Variants in OSMR observed in about 807,000 individuals in gnomAD.
OSMR encodes the protein oncostatin M receptor, also known as oncostatin-M-specific receptor subunit beta.
OSMR carries 81 observed loss-of-function variants against 99.9 expected under a neutral mutation model. The ratio of observed to expected loss-of-function variants is 0.81; its 90% CI spans 0.68 to 0.97. The LOEUF (loss-of-function observed/expected upper bound fraction) is 0.97, where lower values mean the gene tolerates loss of function less well. Among genes scored for constraint, OSMR ranks in the 50% least tolerant of loss-of-function variants. OSMR has a pLI of 0.00. For missense variants in OSMR, 1,099 were observed against 1,153.4 expected (o/e 0.95, Z 0.68); for synonymous variants, 406 against 410.4 (o/e 0.99, Z 0.13).
At chr5:38,904,319 C>CT in intron 8 of OSMR, 34 bp from the exon 9 acceptor site, 2 of 1,602,490 alleles carry the variant, frequency 1.2e-6, no homozygotes, top group South Asian at 1.1e-5. Flanking sequence ...GTTCTTTTCT[C>CT]TTTTTTCTTT....
intron 1 of OSMR, among the ~76,000 whole-genome samples, chr5:38,868,487 G>T (rs1261643819): frequency 1.3e-5 from 2 of 152,168 alleles, no homozygotes; most frequent in African/African-American, 4.8e-5. Flanking sequence ...TCTTTTCTGT[G>T]CTATTCTCGT....
chr5:38,924,048 G>A (rs1048727042), intron 13 of OSMR, among the ~76,000 whole-genome samples: 1 of 152,136 alleles, frequency 6.6e-6, no homozygotes, highest in Non-Finnish European at 1.5e-5. Flanking sequence ...CCTCACTTTA[G>A]TAGGTTCTCT....
At chr5:38,848,207 G>A (rs1030727457) in intron 1 of OSMR, among the ~76,000 whole-genome samples, 3 of 152,152 alleles carry the variant, frequency 2.0e-5, no homozygotes, top group Non-Finnish European at 4.4e-5. Flanking sequence ...GTGAGCCTTG[G>A]CCCTCCTTTC....
chr5:38,905,854 T>G (rs71621889), intron 9 of OSMR, among the ~76,000 whole-genome samples: 1 of 152,190 alleles, frequency 6.6e-6, no homozygotes, highest in East Asian at 1.9e-4. Context: ...TTCTTATTTG[T>G]GTATGGCAGC....
At chr5:38,850,985 G>A (rs1455374662) in intron 1 of OSMR, among the ~76,000 whole-genome samples, 1 of 152,152 alleles carries the variant, frequency 6.6e-6, no homozygotes, top group African/African-American at 2.4e-5. Flanking sequence ...GAACCTAAGA[G>A]GTTACATTTT....
chr5:38,874,537 A>T (rs1742654048), intron 2 of OSMR, among the ~76,000 whole-genome samples: 1 of 152,118 alleles, frequency 6.6e-6, no homozygotes, highest in Non-Finnish European at 1.5e-5. Context: ...CACAAGAAAA[A>T]CATCATGTTT....
At chr5:38,902,698 G>A (rs1744973034) in intron 7 of OSMR, among the ~76,000 whole-genome samples, 1 of 152,154 alleles carries the variant, frequency 6.6e-6, no homozygotes, top group African/African-American at 2.4e-5. Context: ...TTGCTTGAGA[G>A]CTTACTGCTT....
chr5:38,891,698 G>A (rs1376551612), intron 7 of OSMR, among the ~76,000 whole-genome samples: 3 of 152,170 alleles, frequency 2.0e-5, no homozygotes, highest in African/African-American at 7.2e-5. Flanking sequence ...CTTTAGAGAG[G>A]TACCATTCAA....
In OSMR at chr5:38,917,433, A is replaced by C. The variant is rs144535192; in HGVS notation, c.1286-113A>C. The stretch of plus-strand genomic sequence containing the variant: ...CATAGAGAGTGAAAACGGGAGAGGC[A>C]AGCCTCAGGTTGGACAGGTAATTGT... On this transcript the variant is annotated intron_variant, in intron 9 of 17. Coordinates refer to ENST00000274276, the MANE Select transcript of OSMR (RefSeq NM_003999.3). 6.5e-4 allele frequency: 985 copies of C among 1,513,954 alleles called. 7 individuals carry two copies. The African/African-American group carries it at 0.012, about 18-fold the overall frequency. 93.8% of individuals were successfully genotyped at this position (1,513,954 alleles called of 1,614,324 possible). A position where few individuals can be genotyped will look rare whatever the true frequency, so the allele number is the denominator to read the frequency against.
chr5:38,920,715 G>A lies in OSMR; in HGVS notation c.1586-900G>A, dbSNP rs550862224. Among the ~76,000 whole-genome samples the A allele has an allele frequency of 1.2e-4, 18 of 152,314 alleles. No homozygotes were observed. The South Asian group carries it at 3.3e-3, about 28-fold the overall frequency. On this transcript the variant is annotated intron_variant, in intron 11 of 17. Transcript: ENST00000274276. ...TAAAATACAGGATGCCCAGTTAAATGTGAATTACAGACAAACAATAAACCA... is the reference window on the plus strand; with the variant it reads ...TAAAATACAGGATGCCCAGTTAAATATGAATTACAGACAAACAATAAACCA...
chr5:38,881,796 G>A (rs942359357), intron 4 of OSMR, 32 bp downstream of exon 4: 1 of 1,568,766 alleles, frequency 6.4e-7, no homozygotes, highest in Non-Finnish European at 8.8e-7. Context: ...AGAGTGAAAA[G>A]GGTTAATATA....
At chr5:38,911,655 A>T (rs1200749126) in intron 9 of OSMR, among the ~76,000 whole-genome samples, 1 of 152,186 alleles carries the variant, frequency 6.6e-6, no homozygotes, top group Non-Finnish European at 1.5e-5. Context: ...TAGATGCAAA[A>T]ATCCTCAACA....
At position 38,904,380 on chromosome 5, in the gene OSMR, G is replaced by A. The variant is rs35727755; in HGVS notation, c.1162G>A (p.Glu388Lys). 2.1e-3 allele frequency: 3,335 copies of A among 1,613,992 alleles called. 53 individuals are homozygous for A. The African/African-American group carries it at 0.037, about 18-fold the overall frequency. The change falls in exon 9 of 18, where the codon GAG becomes AAG. Residue 388 changes from glutamate (E) to lysine (K), a missense_variant. Glu to Lys is a moderately conservative substitution (Grantham distance 56, BLOSUM62 1). Coordinates refer to ENST00000274276, the MANE Select transcript of OSMR (RefSeq NM_003999.3). ...QYNVSIKVNG[E>K]YFLSELEPAT... ...CAATGTTTCCATCAAGGTGAACGGT[G>A]AGTACTTCTTAAGTGAACTGGAACC... is the stretch of plus-strand genomic sequence containing the variant.
intron 1 of OSMR, among the ~76,000 whole-genome samples, chr5:38,943,751 T>G (rs1046205495): frequency 6.6e-6 from 1 of 152,016 alleles, no homozygotes; most frequent in African/African-American, 2.4e-5. Flanking sequence ...AGGCAGAGGT[T>G]GCAGTGAGCC....
Position 38,904,033 on chromosome 5 carries a change from C to G in OSMR, c.1134+9C>G. The G allele has an allele frequency of 1.2e-6, 2 of 1,613,454 alleles. No homozygotes were observed. Among genetic ancestry groups the G allele is most frequent in the East Asian group, 2.2e-5 (1 of 44,718 alleles). On this transcript the variant is annotated intron_variant, in intron 8 of 17. Coordinates refer to ENST00000274276, the MANE Select transcript of OSMR (RefSeq NM_003999.3). Reference sequence around the variant, plus strand: ...AAGGAAAAATGATGCAAGTAAGAACCCTGCTTAATTTTCTATTTTCAAAAA... The same window carrying G: ...AAGGAAAAATGATGCAAGTAAGAACGCTGCTTAATTTTCTATTTTCAAAAA...
intron 1 of OSMR, among the ~76,000 whole-genome samples, chr5:38,848,670 C>T (rs1224907213): frequency 1.3e-5 from 2 of 152,140 alleles, no homozygotes; most frequent in African/African-American, 2.4e-5. Context: ...TTTAAATATG[C>T]AAATTATCTT....
chr5:38,943,826 A>G lies in OSMR; in HGVS notation c.75-375A>G, dbSNP rs533822453. ...AGACTCCGTCTCAAAAAAGAAATAC[A>G]AAATACAAAATAAAAAAGCCCTGCA... On this transcript the variant is annotated intron_variant and NMD_transcript_variant, in intron 1 of 2. Transcript: ENST00000508882. Among the ~76,000 whole-genome samples, 6 of 152,258 alleles carry G rather than the reference A, an allele frequency of 3.9e-5. No individual in the cohort carries two copies. In the East Asian group the frequency reaches 1.2e-3, roughly 29 times the overall value.
At chr5:38,904,208 T>C (rs1745073050) in intron 8 of OSMR, 145 bp from the exon 9 acceptor site, 2 of 1,422,936 alleles carry the variant, frequency 1.4e-6, no homozygotes, top group Non-Finnish European at 9.3e-7. Context: ...GCCTTGAAGA[T>C]TTTTTTCCCC....
chr5:38,910,774 G>A (rs1186983052), intron 9 of OSMR, among the ~76,000 whole-genome samples: 2 of 152,194 alleles, frequency 1.3e-5, no homozygotes, highest in African/African-American at 4.8e-5. Flanking sequence ...ACTTTGGGAG[G>A]CCAACGTGGG....
Sources: gnomAD v4.1 joint callset for allele counts (sites outside exome capture counted in the v4.1 genomes callset) on GRCh38, gnomAD v4.1.1 for gene constraint, MANE v1.5 for transcripts, NCBI Gene and HGNC (gene_info 2026-07-23, HGNC 2026-07-21) for gene names.